Variants in SLC24A4 observed in about 807,000 individuals in gnomAD.
The protein encoded by SLC24A4 is solute carrier family 24 member 4.
Under a neutral mutation model 79.0 loss-of-function variants are expected in SLC24A4, and 53 were observed. That is an observed-to-expected ratio of 0.67 (90% CI 0.54 to 0.84). The LOEUF is 0.84. Among genes scored for constraint, SLC24A4 ranks in the 40% least tolerant of loss-of-function variants. SLC24A4 has a pLI of 0.00. For missense variants in SLC24A4, 731 were observed against 822.0 expected, an observed-to-expected ratio of 0.89 and a Z score of 1.35; for synonymous variants, 323 against 323.8, an observed-to-expected ratio of 1.00 and a Z score of 0.03.
intron 2 of SLC24A4, among the ~76,000 whole-genome samples, chr14:92,419,658 T>C (rs1402038298): frequency 6.6e-6 from 1 of 152,222 alleles, no homozygotes; most frequent in Non-Finnish European, 1.5e-5. Context: ...GGACAGCAGA[T>C]GTGAATCAGG....
At chr14:92,422,093 G>A (rs1234298498) in intron 2 of SLC24A4, among the ~76,000 whole-genome samples, 2 of 152,150 alleles carry the variant, frequency 1.3e-5, no homozygotes, top group Admixed American at 6.5e-5. Context: ...CTATCCTTCT[G>A]GGTAGTACTC....
intron 12 of SLC24A4, among the ~76,000 whole-genome samples, chr14:92,467,102 G>A (rs1441867545): frequency 1.3e-5 from 2 of 152,208 alleles, no homozygotes; most frequent in Non-Finnish European, 2.9e-5. Context: ...CACTGACTGA[G>A]GAAGCAGGGT....
intron 3 of SLC24A4, among the ~76,000 whole-genome samples, chr14:92,436,737 ATCT>A (rs929729512): frequency 1.3e-5 from 2 of 152,166 alleles, no homozygotes; most frequent in African/African-American, 4.8e-5. Flanking sequence ...ATCTTGGCTC[ATCT>A]TCTCTCCTCA....
chr14:92,479,287 G>T (rs1894933773), intron 12 of SLC24A4, among the ~76,000 whole-genome samples: 1 of 152,120 alleles, frequency 6.6e-6, no homozygotes, highest in Non-Finnish European at 1.5e-5. Context: ...GGTGGGGAGG[G>T]GAGGGTTGCA....
chr14:92,425,173 T>C (rs774504071), intron 2 of SLC24A4, among the ~76,000 whole-genome samples: 4 of 152,202 alleles, frequency 2.6e-5, no homozygotes, highest in Non-Finnish European at 4.4e-5. Context: ...ATCTACAAGC[T>C]AGGAAGAGAA....
intron 11 of SLC24A4, 90 bp from the exon 12 acceptor site, chr14:92,456,314 A>G: frequency 7.5e-7 from 1 of 1,325,682 alleles, no homozygotes. Context: ...CACCTGTAAG[A>G]GCAGGGTGCG....
At chr14:92,403,793 T>C (rs1890234785) in intron 2 of SLC24A4, among the ~76,000 whole-genome samples, 1 of 152,128 alleles carries the variant, frequency 6.6e-6, no homozygotes, top group Admixed American at 6.5e-5. Context: ...TGCGCTTCCC[T>C]ACAGATTCTG....
chr14:92,444,593 G>A (rs768972959), intron 7 of SLC24A4, among the ~76,000 whole-genome samples: 6 of 152,172 alleles, frequency 3.9e-5, no homozygotes, highest in Non-Finnish European at 7.3e-5. Flanking sequence ...GGTGGCTCAC[G>A]CCTGTAATCC....
chr14:92,359,643 C>T (rs1201453519), intron 2 of SLC24A4, among the ~76,000 whole-genome samples: 3 of 151,922 alleles, frequency 2.0e-5, no homozygotes, highest in Non-Finnish European at 4.4e-5. Context: ...CAGAAACATA[C>T]ATAAAACATA....
chr14:92,476,451 A>AT (rs35444332), intron 12 of SLC24A4, among the ~76,000 whole-genome samples: 6,137 of 149,482 alleles, frequency 0.041, 174 homozygotes, highest in Admixed American at 0.096. Context: ...TAAGCAGCTG[A>AT]TTTTTTTTTT....
intron 2 of SLC24A4, among the ~76,000 whole-genome samples, chr14:92,352,041 C>T (rs1886925990): frequency 6.6e-6 from 1 of 151,960 alleles, no homozygotes; most frequent in Non-Finnish European, 1.5e-5. Flanking sequence ...TGGTAGTAAA[C>T]AGAAATGAGG....
rs541962809 is a variant in SLC24A4, at chr14:92,490,002, C to T, written c.1538-1663C>T. On this transcript the variant is annotated intron_variant, in intron 14 of 16. Transcript: ENST00000532405. This position sits in a 1 kb window ranked among gnomAD's most constrained non-coding sequence, Gnocchi z 4.3. ...ACTAAGCTAAGAGATTTTGAAGTCA[C>T]TCAGAAAAGTGCCTGGGGCAGGCTG... Among the ~76,000 whole-genome samples, 4 of 152,296 alleles carry T rather than the reference C, an allele frequency of 2.6e-5. No homozygotes were observed. Among genetic ancestry groups the T allele is most frequent in the African/African-American group, 9.6e-5 (4 of 41,548 alleles).
chr14:92,470,966 G>T (rs1894412326), intron 12 of SLC24A4, among the ~76,000 whole-genome samples: 1 of 152,182 alleles, frequency 6.6e-6, no homozygotes, highest in South Asian at 2.1e-4. Context: ...GCTTTCCCCT[G>T]GGTTGGTTTT....
At chr14:92,419,475 G>A (rs1172103201) in intron 2 of SLC24A4, among the ~76,000 whole-genome samples, 2 of 152,176 alleles carry the variant, frequency 1.3e-5, no homozygotes, top group South Asian at 4.1e-4. Context: ...TGTCCATGTT[G>A]GCAATGATGG....
Position 92,488,822 on chromosome 14 carries a change from G to T in SLC24A4, c.1537+2042G>T, listed in dbSNP as rs189860301. ...GTTCATCCCTAGCCAGAGTCAGCTG[G>T]GTGGACACAGTGGAAGGTCAAGGGA... On this transcript the variant is annotated intron_variant, in intron 14 of 16. Coordinates refer to ENST00000532405, the MANE Select transcript of SLC24A4 (RefSeq NM_153646.4). 4.6e-5 allele frequency among the ~76,000 whole-genome samples: 7 copies of T among 152,326 alleles called. No homozygotes were observed. The East Asian group carries it at 1.4e-3, about 29-fold the overall frequency.
intron 2 of SLC24A4, among the ~76,000 whole-genome samples, chr14:92,355,849 CG>C (rs1419132967): frequency 6.6e-6 from 1 of 152,192 alleles, no homozygotes; most frequent in Non-Finnish European, 1.5e-5. Flanking sequence ...TGTTAGAGCT[CG>C]TGCTCTCCCT....
At chr14:92,447,269 G>A in intron 8 of SLC24A4, 102 bp from the exon 9 acceptor site, 1 of 1,021,010 alleles carries the variant, frequency 9.8e-7, no homozygotes, top group Non-Finnish European at 1.5e-6. Context: ...GGGCGGGGGA[G>A]GTAAAGACAT....
chr14:92,484,157 C>T (rs921620541), intron 13 of SLC24A4: 60 of 985,246 alleles, frequency 6.1e-5, no homozygotes, highest in Non-Finnish European at 6.7e-5. Context: ...TTCCCTCCCC[C>T]CAACCCAATC....
chr14:92,357,919 T>C (rs533207529), intron 2 of SLC24A4, among the ~76,000 whole-genome samples: 1 of 152,352 alleles, frequency 6.6e-6, no homozygotes, highest in South Asian at 2.1e-4. Context: ...AGGAAGTTTG[T>C]CTTAGACTGC....
Sources: allele counts gnomAD v4.1 joint callset (sites outside exome capture counted in the v4.1 genomes callset), GRCh38; gene constraint gnomAD v4.1.1; non-coding constraint Gnocchi (gnomAD v3.1); transcripts MANE v1.5; gene names NCBI Gene and HGNC (gene_info 2026-07-23, HGNC 2026-07-21).